The following EVC2 variants were observed in gnomAD, a reference collection of about 807,000 sequenced individuals.
EVC2 encodes limbin.
Under a neutral mutation model 149.3 loss-of-function variants are expected in EVC2, and 148 were observed. The observed-to-expected ratio is 0.99, with a 90% CI of 0.87 to 1.14. EVC2 has a LOEUF of 1.14. Among genes scored for constraint, EVC2 ranks in the 50% most tolerant of loss-of-function variants. The probability of loss-of-function intolerance (pLI) is 0.00; values close to 1 mark genes in which losing one functional copy is unlikely to be tolerated. For missense variants in EVC2, 1,854 were observed against 1,627.3 expected (o/e 1.14, Z -2.40); for synonymous variants, 776 against 649.9 (o/e 1.19, Z -2.95).
chr4:5,576,562 C>T lies in EVC2; in HGVS notation c.3058-108G>A. Reference sequence around the variant, plus strand: ...TGCTACAAGTCTGGCATGACTCTGTCTTGCCTGGTTCCCCATCCAGCTGTG... The same window carrying T: ...TGCTACAAGTCTGGCATGACTCTGTTTTGCCTGGTTCCCCATCCAGCTGTG... On this transcript the variant is annotated intron_variant, in intron 17 of 21. Coordinates refer to ENST00000344408, the MANE Select transcript of EVC2 (RefSeq NM_147127.5). This position sits in a 1 kb window ranked among gnomAD's most constrained non-coding sequence, Gnocchi z 4.5. The T allele has an allele frequency of 6.5e-7, 1 of 1,528,880 alleles. No homozygotes were observed. The highest frequency in any genetic ancestry group is 8.8e-7 in the Non-Finnish European group (1 of 1,142,584). 94.7% of individuals were successfully genotyped at this position (1,528,880 alleles called of 1,614,324 possible).
At chr4:5,541,542 C>T (rs561548059), downstream of EVC2, among the ~76,000 whole-genome samples, 11 of 152,316 alleles carry the variant, frequency 7.2e-5, no homozygotes, top group African/African-American at 2.6e-4. Flanking sequence ...CTTCCTTTCC[C>T]TCCGTACATG....
At chr4:5,639,053 G>A (rs1717110985) in intron 10 of EVC2, among the ~76,000 whole-genome samples, 1 of 152,196 alleles carries the variant, frequency 6.6e-6, no homozygotes, top group African/African-American at 2.4e-5. Flanking sequence ...CCAGGAGCAA[G>A]GGAGCAGGTG....
the EVC2 span, among the ~76,000 whole-genome samples, chr4:5,534,241 C>T: frequency 6.6e-6 from 1 of 152,154 alleles, no homozygotes; most frequent in Non-Finnish European, 1.5e-5. Flanking sequence ...GAGAGAATGA[C>T]ATGAGAATGT....
intron 17 of EVC2, among the ~76,000 whole-genome samples, chr4:5,582,292 T>C (rs1050485047): frequency 2.0e-5 from 3 of 152,226 alleles, no homozygotes; most frequent in Non-Finnish European, 4.4e-5. Flanking sequence ...TCCTCCAAAG[T>C]CACAGGGGCT....
intron 10 of EVC2, 25 bp from the exon 11 acceptor site, chr4:5,632,057 G>A: frequency 6.2e-7 from 1 of 1,613,008 alleles, no homozygotes; most frequent in Non-Finnish European, 8.5e-7. Flanking sequence ...GGGAGAGCGT[G>A]AGAAACTGAC....
At position 5,568,626 on chromosome 4, in the gene EVC2, T is replaced by TG. The variant is rs1176738073; in HGVS notation, c.3374dup (p.Ser1126IlefsTer47). 9 of 1,608,338 alleles carry TG rather than the reference T, an allele frequency of 5.6e-6. No individual in the cohort carries two copies. The highest frequency in any genetic ancestry group is 7.6e-6 in the Non-Finnish European group (9 of 1,179,812). On this transcript the variant is annotated frameshift_variant, in exon 20 of 22. Transcript: ENST00000344408. LOFTEE classifies it high-confidence loss of function. ...CCATGGCCATCCTCGCCAGGTACGA[T>TG]GCCAGTCTCAGCTCCTACAGGAAAC...
At chr4:5,629,503 T>G (rs57554705) in intron 11 of EVC2, among the ~76,000 whole-genome samples, 10,972 of 152,250 alleles carry the variant, frequency 0.072, 1,300 homozygotes, top group African/African-American at 0.25. Context: ...GGAACATCAG[T>G]AGAACTACTC....
At chr4:5,650,838 G>A (rs1718085895) in intron 9 of EVC2, among the ~76,000 whole-genome samples, 1 of 152,102 alleles carries the variant, frequency 6.6e-6, no homozygotes, top group Admixed American at 6.6e-5. Flanking sequence ...CAGAGTCCTT[G>A]CTGTACCATC....
intron 7 of EVC2, among the ~76,000 whole-genome samples, chr4:5,676,758 C>G (rs1720021926): frequency 6.6e-6 from 1 of 152,238 alleles, no homozygotes. Context: ...GGAGTTCTCT[C>G]TCTCTCTGCT....
At chr4:5,533,062 C>G in the EVC2 span, among the ~76,000 whole-genome samples, 2 of 150,854 alleles carry the variant, frequency 1.3e-5, no homozygotes, top group South Asian at 2.1e-4. Flanking sequence ...ACGGACAAAA[C>G]AGAAATCATT....
chr4:5,579,678 C>T (rs1325363386), intron 17 of EVC2, among the ~76,000 whole-genome samples: 1 of 152,070 alleles, frequency 6.6e-6, no homozygotes, highest in Non-Finnish European at 1.5e-5. Flanking sequence ...CTTGTCTCTA[C>T]TAAAAATACA....
At chr4:5,656,940 C>T in intron 9 of EVC2, among the ~76,000 whole-genome samples, 1 of 152,204 alleles carries the variant, frequency 6.6e-6, no homozygotes. Flanking sequence ...AGGATGAGGT[C>T]AGCACTGCAT....
chr4:5,654,265 G>A (rs1314686503), intron 9 of EVC2, among the ~76,000 whole-genome samples: 2 of 151,102 alleles, frequency 1.3e-5, no homozygotes, highest in African/African-American at 4.8e-5. Context: ...GAGAAGAGGA[G>A]GCCTGGAGTG....
chr4:5,698,068 T>C (rs1389325478), intron 1 of EVC2, among the ~76,000 whole-genome samples: 1 of 152,122 alleles, frequency 6.6e-6, no homozygotes, highest in Admixed American at 6.5e-5. Context: ...TGCACTTTCA[T>C]CCAGAAGTGT....
chr4:5,543,949 C>G (rs1721564832), intron 21 of EVC2, among the ~76,000 whole-genome samples: 1 of 152,140 alleles, frequency 6.6e-6, no homozygotes. Context: ...TGAGGAGACC[C>G]AAGCACAGGT....
chr4:5,607,193 C>A lies in EVC2; in HGVS notation c.2829+8229G>T, dbSNP rs191236106. ...GAAAGGGAGGGCTCATGGGAAGGGA[C>A]ATGAGGATGATAAGGAAACTGGGAC... On this transcript the variant is annotated intron_variant, in intron 16 of 21. Transcript: ENST00000344408. Among the ~76,000 whole-genome samples, 152 of 152,146 alleles carry A rather than the reference C, an allele frequency of 1.0e-3. 1 individual carries two copies. Among genetic ancestry groups the A allele is most frequent in the Non-Finnish European group, 2.2e-4 (15 of 68,000 alleles).
chr4:5,661,526 T>C (rs1718873496), intron 9 of EVC2, among the ~76,000 whole-genome samples: 1 of 152,178 alleles, frequency 6.6e-6, no homozygotes, highest in Non-Finnish European at 1.5e-5. Context: ...AGGGTACAGA[T>C]AATAACGTCT....
At chr4:5,630,588 A>C (rs1291825827) in intron 11 of EVC2, among the ~76,000 whole-genome samples, 1 of 152,188 alleles carries the variant, frequency 6.6e-6, no homozygotes, top group Non-Finnish European at 1.5e-5. Flanking sequence ...AAAGATAAAA[A>C]TGAAATAGCA....
intron 21 of EVC2, among the ~76,000 whole-genome samples, chr4:5,563,984 T>C (rs1409788562): frequency 1.7e-4 from 24 of 144,016 alleles, no homozygotes; most frequent in Admixed American, 1.6e-3. Flanking sequence ...TTGATAATGA[T>C]CGTGACGACC....
Sources: gnomAD v4.1 joint callset for allele counts (sites outside exome capture counted in the v4.1 genomes callset) on GRCh38, gnomAD v4.1.1 for gene constraint, Gnocchi (gnomAD v3.1) non-coding constraint, MANE v1.5 for transcripts, NCBI Gene and HGNC (gene_info 2026-07-23, HGNC 2026-07-21) for gene names.